FMNL2: variants seen among roughly 807,000 people sequenced by gnomAD.
FMNL2 encodes formin-like protein 2.
Under a neutral mutation model 130.2 loss-of-function variants are expected in FMNL2, and 51 were observed. The ratio of observed to expected loss-of-function variants is 0.39; its 90% CI spans 0.31 to 0.49. The LOEUF is 0.49. Ranked by LOEUF, FMNL2 falls within the 20% of genes least tolerant of loss-of-function variation. The probability of loss-of-function intolerance (pLI) is 0.85; values close to 1 mark genes in which losing one functional copy is unlikely to be tolerated. For missense variants in FMNL2, 977 were observed against 1,316.2 expected (o/e 0.74, Z 3.99); for synonymous variants, 465 against 467.1 (o/e 1.00, Z 0.06).
intron 6 of FMNL2, among the ~76,000 whole-genome samples, chr2:152,574,434 C>CAAAAA (rs57776446): frequency 1.1e-3 from 112 of 106,026 alleles, no homozygotes; most frequent in East Asian, 3.5e-3. Context: ...GACTCTGTCT[C>CAAAAA]AAAAAAAAAA....
intron 9 of FMNL2, among the ~76,000 whole-genome samples, chr2:152,582,076 T>G (rs993768819): frequency 6.6e-6 from 1 of 152,196 alleles, no homozygotes; most frequent in Non-Finnish European, 1.5e-5. Context: ...ATTAATATCT[T>G]GATTTTAGCG....
intron 6 of FMNL2, among the ~76,000 whole-genome samples, chr2:152,574,926 C>A (rs911879382): frequency 3.9e-5 from 6 of 152,078 alleles, no homozygotes; most frequent in African/African-American, 1.4e-4. Context: ...AGTGTGTTAA[C>A]AAGCATACCC....
At chr2:152,612,022 TA>T (rs571648469) in intron 11 of FMNL2, among the ~76,000 whole-genome samples, 22 of 149,206 alleles carry the variant, frequency 1.5e-4, no homozygotes, top group Admixed American at 6.7e-4. Context: ...GCTTAGAGCA[TA>T]AAAAAAAAAT....
At position 152,482,889 on chromosome 2, in the gene FMNL2, A is replaced by C. The variant is rs112124045; in HGVS notation, c.118-39054A>C. 3.7e-3 allele frequency among the ~76,000 whole-genome samples: 571 copies of C among 152,306 alleles called. 3 individuals carry two copies. The highest frequency in any genetic ancestry group is 0.013 in the African/African-American group (547 of 41,564). On this transcript the variant is annotated intron_variant, in intron 1 of 25. Coordinates refer to ENST00000288670, the MANE Select transcript of FMNL2 (RefSeq NM_052905.4). ...ACACAGGTTACTGGTGAATTAAGAA[A>C]AAGGATCAACTTTTTTTTCCTAGGC...
chr2:152,366,895 C>T (rs955009253), intron 1 of FMNL2, among the ~76,000 whole-genome samples: 14 of 151,988 alleles, frequency 9.2e-5, no homozygotes, highest in Non-Finnish European at 1.9e-4. Context: ...GCTTGAGCCT[C>T]GGAGGTTGAG....
chr2:152,444,166 G>C (rs1688216481), intron 1 of FMNL2, among the ~76,000 whole-genome samples: 1 of 152,178 alleles, frequency 6.6e-6, no homozygotes, highest in Admixed American at 6.5e-5. Context: ...CCGAGTAGAG[G>C]GTGGGGTAGC....
intron 1 of FMNL2, among the ~76,000 whole-genome samples, chr2:152,363,966 A>AT (rs1307428963): frequency 7.9e-5 from 12 of 152,030 alleles, no homozygotes; most frequent in Non-Finnish European, 1.6e-4. Flanking sequence ...AGTTAATTTG[A>AT]TTTTTTTGTT....
intron 1 of FMNL2, among the ~76,000 whole-genome samples, chr2:152,504,544 C>T (rs540470621): frequency 4.6e-5 from 7 of 151,470 alleles, no homozygotes; most frequent in South Asian, 2.1e-4. Flanking sequence ...CGCGCTCAGC[C>T]GCAGGGAGGC....
intron 1 of FMNL2, among the ~76,000 whole-genome samples, chr2:152,351,730 T>C (rs1401156248): frequency 2.0e-5 from 3 of 152,212 alleles, no homozygotes; most frequent in Non-Finnish European, 4.4e-5. Context: ...ATGGGATTGC[T>C]GGGTCAAATG....
chr2:152,370,936 G>A (rs931393785), intron 1 of FMNL2, among the ~76,000 whole-genome samples: 19 of 152,160 alleles, frequency 1.2e-4, no homozygotes, highest in African/African-American at 4.1e-4. Flanking sequence ...ACCGGGCCAC[G>A]GGGATTTACT....
intron 1 of FMNL2, among the ~76,000 whole-genome samples, chr2:152,482,923 G>A (rs571179594): frequency 6.6e-6 from 1 of 151,976 alleles, no homozygotes; most frequent in Non-Finnish European, 1.5e-5. Context: ...GCCTCTTGTA[G>A]GCAGTCTCTC....
intron 1 of FMNL2, among the ~76,000 whole-genome samples, chr2:152,397,635 CT>C (rs1401301472): frequency 2.0e-5 from 3 of 152,104 alleles, no homozygotes; most frequent in African/African-American, 4.8e-5. Context: ...TTCTACTTTA[CT>C]TTTCTCCCTC....
At chr2:152,542,939 A>C in intron 3 of FMNL2, 120 bp downstream of exon 3, 3 of 1,092,432 alleles carry the variant, frequency 2.7e-6, no homozygotes, top group Non-Finnish European at 4.0e-6. Context: ...CTCCACAAAA[A>C]ACAACCTTGG....
chr2:152,367,352 A>G (rs1294293730), intron 1 of FMNL2, among the ~76,000 whole-genome samples: 3 of 152,166 alleles, frequency 2.0e-5, no homozygotes, highest in Non-Finnish European at 4.4e-5. Flanking sequence ...CACATTTAGT[A>G]GGCATTGACA....
intron 1 of FMNL2, among the ~76,000 whole-genome samples, chr2:152,336,092 A>AAAAAACAAAACAAAACAAAAC: frequency 7.6e-6 from 1 of 132,336 alleles, no homozygotes; most frequent in East Asian, 2.2e-4. Context: ...TTTTTTTAAA[A>AAAAAACAAAACAAAACAAAAC]AAAACAAAAC....
chr2:152,565,753 A>G lies in FMNL2; in HGVS notation c.596+4718A>G, dbSNP rs1417916391. On this transcript the variant is annotated intron_variant, in intron 6 of 25. Transcript: ENST00000288670. ...TTCTTCTACACTCCTCCAGAGTAAGAGTTTGTTTTTCTTATGATGATGATG... is the reference window on the plus strand; with the variant it reads ...TTCTTCTACACTCCTCCAGAGTAAGGGTTTGTTTTTCTTATGATGATGATG... 2.6e-5 allele frequency among the ~76,000 whole-genome samples: 4 copies of G among 151,946 alleles called. 1 individual carries two copies. The highest frequency in any genetic ancestry group is 2.6e-4 in the Admixed American group (4 of 15,242).
intron 6 of FMNL2, among the ~76,000 whole-genome samples, chr2:152,563,713 A>G (rs555438098): frequency 6.6e-6 from 1 of 151,388 alleles, no homozygotes; most frequent in South Asian, 2.1e-4. Flanking sequence ...TCTTTTAGCC[A>G]TCTCATTTCT....
In FMNL2 at chr2:152,377,123, C is replaced by T. The variant is rs112315817; in HGVS notation, c.117+41403C>T. ...GAATTGTGGCAGGGATGAAATATGA[C>T]AGCAATTGTAAAGAACCTGTCACAG... On this transcript the variant is annotated intron_variant, in intron 1 of 25. Coordinates refer to ENST00000288670, the MANE Select transcript of FMNL2 (RefSeq NM_052905.4). 3.5e-4 allele frequency among the ~76,000 whole-genome samples: 54 copies of T among 152,318 alleles called. 1 individual carries two copies. The highest frequency in any genetic ancestry group is 1.2e-3 in the African/African-American group (51 of 41,584).
chr2:152,595,753 T>C (rs2105796322), intron 9 of FMNL2, among the ~76,000 whole-genome samples: 1 of 152,288 alleles, frequency 6.6e-6, no homozygotes, highest in African/African-American at 2.4e-5. Flanking sequence ...AGGAGATCTC[T>C]TTCTGTCCCT....
Sources: allele counts gnomAD v4.1 joint callset (sites outside exome capture counted in the v4.1 genomes callset), GRCh38; gene constraint gnomAD v4.1.1; transcripts MANE v1.5; gene names NCBI Gene and HGNC (gene_info 2026-07-23, HGNC 2026-07-21).